LRRC4C: variants seen among roughly 807,000 people sequenced by gnomAD.
LRRC4C encodes the protein leucine-rich repeat-containing protein 4C.
In LRRC4C, 5 loss-of-function variants were observed where a neutral mutation model predicts 33.6. The ratio of observed to expected loss-of-function variants is 0.15; its 90% confidence interval spans 0.08 to 0.31. The LOEUF (loss-of-function observed/expected upper bound fraction) is 0.31, where lower values mean the gene tolerates loss of function less well. Among genes scored for constraint, LRRC4C ranks in the 10% least tolerant of loss-of-function variants. The pLI is 1.00. For synonymous variants in LRRC4C, 329 were observed against 302.0 expected (o/e 1.09, Z -0.93); for missense variants, 560 against 796.7 (o/e 0.70, Z 3.58).
chr11:40,869,304 C>G (rs1400496522), intron 2 of LRRC4C, among the ~76,000 whole-genome samples: 2 of 152,012 alleles, frequency 1.3e-5, no homozygotes, highest in East Asian at 3.9e-4. Context: ...TTATTGAAGA[C>G]CTATTGTTTA....
At chr11:40,968,520 C>T (rs1391935057) in intron 1 of LRRC4C, among the ~76,000 whole-genome samples, 1 of 152,038 alleles carries the variant, frequency 6.6e-6, no homozygotes, top group Admixed American at 6.6e-5. Context: ...GAATTCAATG[C>T]CTGGCTTTAA....
Position 41,248,343 on chromosome 11 carries a change from T to A in LRRC4C, c.-496+211088A>T, listed in dbSNP as rs575615845. Among the ~76,000 whole-genome samples, 80 of 152,310 alleles carry A rather than the reference T, an allele frequency of 5.3e-4. 1 individual carries two copies. Among genetic ancestry groups the A allele is most frequent in the Non-Finnish European group, 5.6e-4 (38 of 68,028 alleles). Reference sequence around the variant, plus strand: ...ATTCCTAGCAGGCCTTCACCCTCTGTTTACATACAAAGGATTCTTGATGAA... The same window carrying A: ...ATTCCTAGCAGGCCTTCACCCTCTGATTACATACAAAGGATTCTTGATGAA... On this transcript the variant is annotated intron_variant, in intron 1 of 6. Transcript: ENST00000528697.
At chr11:41,441,072 G>A (rs984587349) in intron 1 of LRRC4C, among the ~76,000 whole-genome samples, 1 of 152,102 alleles carries the variant, frequency 6.6e-6, no homozygotes, top group East Asian at 1.9e-4. Flanking sequence ...TCTTTCTTCT[G>A]TTTTTAAGGA....
intron 5 of LRRC4C, among the ~76,000 whole-genome samples, chr11:40,154,729 T>G (rs922786416): frequency 6.6e-6 from 1 of 152,076 alleles, no homozygotes; most frequent in Non-Finnish European, 1.5e-5. Flanking sequence ...ACCTAAGAAA[T>G]GAGATAGACA....
intron 3 of LRRC4C, among the ~76,000 whole-genome samples, chr11:40,584,310 C>T (rs995567684): frequency 6.7e-6 from 1 of 150,172 alleles, no homozygotes; most frequent in African/African-American, 2.5e-5. Context: ...AGAACACTCC[C>T]CCTCAGTCAT....
At chr11:41,322,464 T>A (rs1346550808) in intron 1 of LRRC4C, among the ~76,000 whole-genome samples, 1 of 152,132 alleles carries the variant, frequency 6.6e-6, no homozygotes, top group Admixed American at 6.6e-5. Flanking sequence ...CAGGCCAAAT[T>A]TTCTCAGTAA....
intron 1 of LRRC4C, among the ~76,000 whole-genome samples, chr11:41,023,411 C>T (rs1255212017): frequency 1.3e-5 from 2 of 151,630 alleles, no homozygotes; most frequent in African/African-American, 2.4e-5. Context: ...AAATCACATC[C>T]ATGGTAAAAG....
chr11:40,731,026 A>C (rs1204232701), intron 2 of LRRC4C, among the ~76,000 whole-genome samples: 1 of 151,996 alleles, frequency 6.6e-6, no homozygotes, highest in African/African-American at 2.4e-5. Flanking sequence ...GGTTGTTTAA[A>C]AGTGTGTGGC....
intron 3 of LRRC4C, among the ~76,000 whole-genome samples, chr11:40,495,775 C>T (rs1024061709): frequency 7.6e-6 from 1 of 131,530 alleles, no homozygotes; most frequent in Non-Finnish European, 1.6e-5. Flanking sequence ...AACCTCAGAA[C>T]TTGGGACATC....
intron 1 of LRRC4C, among the ~76,000 whole-genome samples, chr11:41,025,797 A>G (rs113454586): frequency 4.0e-5 from 6 of 151,898 alleles, no homozygotes; most frequent in African/African-American, 1.2e-4. Flanking sequence ...CTAGAGAGAA[A>G]AAGACAATGT....
chr11:40,438,926 CTTTTT>C (rs869144067), intron 3 of LRRC4C, among the ~76,000 whole-genome samples: 7 of 106,918 alleles, frequency 6.5e-5, no homozygotes, highest in Non-Finnish European at 1.1e-4. Context: ...TGAATTGCTA[CTTTTT>C]TTTTTTTTTT....
At chr11:40,820,096 A>C (rs1024932298) in intron 2 of LRRC4C, among the ~76,000 whole-genome samples, 1 of 152,046 alleles carries the variant, frequency 6.6e-6, no homozygotes, top group Non-Finnish European at 1.5e-5. Flanking sequence ...ATTTTCAACA[A>C]AAAGGTATAA....
intron 1 of LRRC4C, among the ~76,000 whole-genome samples, chr11:41,082,521 G>A (rs1426809311): frequency 1.4e-5 from 2 of 147,834 alleles, no homozygotes; most frequent in Admixed American, 1.4e-4. Context: ...TGAGCTAAGC[G>A]TTTTACATAG....
chr11:40,809,165 A>G (rs1293515393), intron 2 of LRRC4C, among the ~76,000 whole-genome samples: 1 of 152,088 alleles, frequency 6.6e-6, no homozygotes, highest in Non-Finnish European at 1.5e-5. Flanking sequence ...AAACTTCTCA[A>G]AATAGTTTAC....
At chr11:41,170,755 G>A (rs1341149827) in intron 1 of LRRC4C, among the ~76,000 whole-genome samples, 1 of 152,138 alleles carries the variant, frequency 6.6e-6, no homozygotes, top group African/African-American at 2.4e-5. Context: ...ATTGACAAAT[G>A]GGATCTAATT....
intron 1 of LRRC4C, among the ~76,000 whole-genome samples, chr11:41,400,227 A>G (rs2138095823): frequency 6.6e-6 from 1 of 152,076 alleles, no homozygotes; most frequent in South Asian, 2.1e-4. Context: ...GCATAGGAAT[A>G]ACTCCTGTGA....
At chr11:41,134,812 A>G (rs1243707460) in intron 1 of LRRC4C, among the ~76,000 whole-genome samples, 1 of 152,188 alleles carries the variant, frequency 6.6e-6, no homozygotes, top group Non-Finnish European at 1.5e-5. Context: ...TAGGACATCA[A>G]CATATCATTT....
chr11:41,358,844 A>G (rs1952251567), intron 1 of LRRC4C, among the ~76,000 whole-genome samples: 1 of 152,196 alleles, frequency 6.6e-6, no homozygotes, highest in African/African-American at 2.4e-5. Flanking sequence ...TTCTCTTACC[A>G]TATGATCCAA....
At chr11:41,438,073 T>TACATAAATAATA (rs1565673244) in intron 1 of LRRC4C, among the ~76,000 whole-genome samples, 33 of 60,108 alleles carry the variant, frequency 5.5e-4, no homozygotes, top group Non-Finnish European at 1.1e-3. Context: ...AAATAAATAA[T>TACATAAATAATA]AAAAAAAAAT....
Sources: gnomAD v4.1 joint callset for allele counts (sites outside exome capture counted in the v4.1 genomes callset) on GRCh38, gnomAD v4.1.1 for gene constraint, MANE v1.5 for transcripts, NCBI Gene and HGNC (gene_info 2026-07-23, HGNC 2026-07-21) for gene names.